UTRN: variants seen among roughly 807,000 people sequenced by gnomAD.
UTRN encodes utrophin.
A neutral mutation model predicts 463.9 loss-of-function variants in UTRN; 283 were observed. The observed-to-expected ratio is 0.61, with a 90% confidence interval of 0.55 to 0.67. The LOEUF is 0.67. Ranked by LOEUF, UTRN falls within the 30% of genes least tolerant of loss-of-function variation. The pLI is 0.00. For synonymous variants in UTRN, 1,442 were observed against 1,431.5 expected, an observed-to-expected ratio of 1.01 and a Z score of -0.17; for missense variants, 3,922 against 4,084.3, an observed-to-expected ratio of 0.96 and a Z score of 1.08.
At chr6:144,475,317 A>G (rs372675470) in intron 25 of UTRN, among the ~76,000 whole-genome samples, 4 of 152,368 alleles carry the variant, frequency 2.6e-5, no homozygotes, top group African/African-American at 9.6e-5. Flanking sequence ...TGTAAGGTTC[A>G]GATAAGAACA....
At chr6:144,732,249 T>TAC (rs1412261127) in intron 54 of UTRN, among the ~76,000 whole-genome samples, 13 of 116,810 alleles carry the variant, frequency 1.1e-4, no homozygotes, top group African/African-American at 4.9e-4. Context: ...CATATATATA[T>TAC]ATATATATAC....
At chr6:144,637,027 G>T (rs1034459249) in intron 51 of UTRN, among the ~76,000 whole-genome samples, 3 of 152,190 alleles carry the variant, frequency 2.0e-5, no homozygotes, top group Admixed American at 6.5e-5. Context: ...GAAGTGCAGT[G>T]ATGTGATCTT....
intron 50 of UTRN, among the ~76,000 whole-genome samples, chr6:144,563,117 T>C (rs1173674909): frequency 2.0e-5 from 3 of 152,208 alleles, no homozygotes; most frequent in East Asian, 3.8e-4. Context: ...TTCTCATTAA[T>C]ATTTATTAAT....
At chr6:144,451,544 C>A in intron 18 of UTRN, 51 bp downstream of exon 18, 1 of 1,537,958 alleles carries the variant, frequency 6.5e-7, no homozygotes, top group Non-Finnish European at 8.7e-7. Flanking sequence ...GTTCATCATG[C>A]TGGATTTTCT....
At chr6:144,848,635 G>T (rs1782224204) in intron 74 of UTRN, among the ~76,000 whole-genome samples, 1 of 152,084 alleles carries the variant, frequency 6.6e-6, no homozygotes, top group Non-Finnish European at 1.5e-5. Flanking sequence ...AAATTAGAGG[G>T]GTTGCAAGTA....
intron 18 of UTRN, among the ~76,000 whole-genome samples, chr6:144,452,668 G>T (rs763400182): frequency 6.6e-6 from 1 of 151,924 alleles, no homozygotes; most frequent in Non-Finnish European, 1.5e-5. Flanking sequence ...TGTGGGTTGG[G>T]CTTGCCATGG....
At chr6:144,648,217 T>C (rs889357077) in intron 51 of UTRN, among the ~76,000 whole-genome samples, 1 of 152,216 alleles carries the variant, frequency 6.6e-6, no homozygotes, top group African/African-American at 2.4e-5. Flanking sequence ...ATAGAGAAAC[T>C]ACAGCCTTTC....
intron 3 of UTRN, among the ~76,000 whole-genome samples, chr6:144,404,311 C>A (rs1006886898): frequency 4.6e-5 from 7 of 152,120 alleles, no homozygotes; most frequent in Non-Finnish European, 7.3e-5. Flanking sequence ...AGGATTATTC[C>A]AAATCACATG....
intron 51 of UTRN, among the ~76,000 whole-genome samples, chr6:144,660,568 GA>G (rs944090883): frequency 9.6e-5 from 14 of 146,178 alleles, no homozygotes; most frequent in Non-Finnish European, 1.2e-4. Context: ...CTTCTTTGGA[GA>G]AAAAAAAAAG....
chr6:144,824,058 G>C (rs1562953722), intron 66 of UTRN, among the ~76,000 whole-genome samples: 3 of 152,144 alleles, frequency 2.0e-5, no homozygotes, highest in Admixed American at 1.3e-4. Context: ...TTGAGAGGGA[G>C]AGTTTCTGGT....
intron 19 of UTRN, among the ~76,000 whole-genome samples, chr6:144,456,980 T>C (rs1249165231): frequency 1.3e-5 from 2 of 152,216 alleles, no homozygotes; most frequent in Non-Finnish European, 2.9e-5. Flanking sequence ...ATGTGTTCTA[T>C]GTTCTCCCTT....
intron 52 of UTRN, among the ~76,000 whole-genome samples, chr6:144,682,991 G>A (rs565444386): frequency 1.0e-3 from 154 of 152,178 alleles, no homozygotes; most frequent in African/African-American, 3.0e-3. Flanking sequence ...TTCTGAGAAG[G>A]TCTCCCAAAA....
At chr6:144,373,488 T>C (rs945241303) in intron 2 of UTRN, among the ~76,000 whole-genome samples, 1 of 152,100 alleles carries the variant, frequency 6.6e-6, no homozygotes, top group Admixed American at 6.6e-5. Flanking sequence ...AGAGAGAAAG[T>C]AGGCTAGTGG....
intron 58 of UTRN, among the ~76,000 whole-genome samples, chr6:144,762,025 C>T (rs571744539): frequency 6.6e-6 from 1 of 152,102 alleles, no homozygotes; most frequent in South Asian, 2.1e-4. Flanking sequence ...ATTTATTTGC[C>T]AGGTGTTGTG....
rs115539927 is a variant in UTRN at position 144,662,060 on chromosome 6, C to T, written c.7480-16346C>T. On this transcript the variant is annotated intron_variant, in intron 51 of 74. Transcript: ENST00000367545. Reference sequence around the variant, plus strand: ...CAAAAGGCGAACTCAAAGAAACAGTCCTGATGTAATTCTCAGTCTGAAGTT... The same window carrying T: ...CAAAAGGCGAACTCAAAGAAACAGTTCTGATGTAATTCTCAGTCTGAAGTT... Among the ~76,000 whole-genome samples the T allele has an allele frequency of 2.2e-3, 340 of 152,018 alleles. 2 individuals are homozygous for T. The highest frequency in any genetic ancestry group is 8.1e-3 in the African/African-American group (336 of 41,466).
chr6:144,324,623 A>G (rs896343685), intron 2 of UTRN, among the ~76,000 whole-genome samples: 4 of 152,230 alleles, frequency 2.6e-5, no homozygotes, highest in African/African-American at 7.2e-5. Context: ...TGCCAGGCTC[A>G]TGGAAATGGG....
intron 4 of UTRN, among the ~76,000 whole-genome samples, chr6:144,422,235 CA>C (rs1784891717): frequency 6.6e-6 from 1 of 151,966 alleles, no homozygotes; most frequent in African/African-American, 2.4e-5. Context: ...GAGAGAATTA[CA>C]AAAAAGAATG....
At chr6:144,380,801 GAAAA>G (rs201185517) in intron 2 of UTRN, among the ~76,000 whole-genome samples, 1 of 150,504 alleles carries the variant, frequency 6.6e-6, no homozygotes, top group East Asian at 1.9e-4. Flanking sequence ...CCTCAAAAAA[GAAAA>G]AAAAACTTGA....
intron 2 of UTRN, among the ~76,000 whole-genome samples, chr6:144,360,503 A>G (rs1778986415): frequency 6.6e-6 from 1 of 152,224 alleles, no homozygotes; most frequent in East Asian, 1.9e-4. Context: ...AGATAACCCC[A>G]ATCCTAGCTG....
Sources: gnomAD v4.1 joint callset for allele counts (sites outside exome capture counted in the v4.1 genomes callset) on GRCh38, gnomAD v4.1.1 for gene constraint, MANE v1.5 for transcripts, NCBI Gene and HGNC (gene_info 2026-07-23, HGNC 2026-07-21) for gene names.